The following MAPK10 variants were observed in gnomAD, a reference collection of about 807,000 sequenced individuals.
MAPK10 encodes mitogen-activated protein kinase 10, also known as JNK3 alpha protein kinase.
A neutral mutation model predicts 59.3 loss-of-function variants in MAPK10; 25 were observed. The ratio of observed to expected loss-of-function variants is 0.42; its 90% CI spans 0.31 to 0.59. The LOEUF is 0.59. MAPK10 is among the 20% of genes least tolerant of loss of function. The pLI is 0.15. For synonymous variants in MAPK10, 190 were observed against 200.5 expected, an observed-to-expected ratio of 0.95 and a Z score of 0.44; for missense variants, 351 against 568.9, an observed-to-expected ratio of 0.62 and a Z score of 3.90.
chr4:86,241,993 G>C lies in MAPK10; in HGVS notation c.-6-47586C>G, dbSNP rs922612837. Among the ~76,000 whole-genome samples the C allele has an allele frequency of 8.5e-5, 13 of 152,082 alleles. 1 individual carries two copies. Among genetic ancestry groups the C allele is most frequent in the Admixed American group, 8.5e-4 (13 of 15,274 alleles). Reference sequence around the variant, plus strand: ...TTGTCTAGTTTTGGTCCTTGAAGCTGCTACCCTTGGATGGGGTTTTTGTGG... The same window carrying C: ...TTGTCTAGTTTTGGTCCTTGAAGCTCCTACCCTTGGATGGGGTTTTTGTGG... On this transcript the variant is annotated intron_variant, in intron 2 of 13. Coordinates refer to ENST00000641462, the MANE Select transcript of MAPK10 (RefSeq NM_138982.4).
At chr4:86,098,322 C>G (rs1174175429) in intron 9 of MAPK10, 1 of 537,954 alleles carries the variant, frequency 1.9e-6, no homozygotes, top group African/African-American at 1.9e-5. Context: ...GAAAAAAGCC[C>G]ATTGAAATTT....
intron 1 of MAPK10, among the ~76,000 whole-genome samples, chr4:86,535,169 C>T (rs1013273986): frequency 2.0e-5 from 3 of 152,022 alleles, no homozygotes; most frequent in South Asian, 2.1e-4. Flanking sequence ...GGTAAGAGAA[C>T]GGAAATGGCC....
At chr4:86,121,655 T>C (rs1410047605) in intron 4 of MAPK10, among the ~76,000 whole-genome samples, 6 of 152,196 alleles carry the variant, frequency 3.9e-5, no homozygotes, top group African/African-American at 1.4e-4. Flanking sequence ...GATATATGTA[T>C]ACATTGCAGA....
intron 2 of MAPK10, among the ~76,000 whole-genome samples, chr4:86,237,841 T>C (rs2092390162): frequency 6.6e-6 from 1 of 152,218 alleles, no homozygotes; most frequent in African/African-American, 2.4e-5. Context: ...AGAGGCTCTT[T>C]AGTTCAACTA....
At chr4:86,481,116 T>A (rs534877339) in intron 1 of MAPK10, among the ~76,000 whole-genome samples, 7 of 152,322 alleles carry the variant, frequency 4.6e-5, no homozygotes, top group Non-Finnish European at 7.4e-5. Context: ...GCAAATTCCT[T>A]CCTAAACAGG....
intron 1 of MAPK10, among the ~76,000 whole-genome samples, chr4:86,435,891 G>A (rs959389823): frequency 4.6e-5 from 7 of 152,310 alleles, no homozygotes; most frequent in South Asian, 2.1e-4. Context: ...ACAATAGCCA[G>A]TGCAACTTTG....
intron 4 of MAPK10, among the ~76,000 whole-genome samples, chr4:86,109,833 T>C (rs1268925697): frequency 6.6e-6 from 1 of 152,216 alleles, no homozygotes; most frequent in Non-Finnish European, 1.5e-5. Flanking sequence ...ATGGTTGAAC[T>C]AATTTACATT....
In MAPK10 at chr4:86,186,935, C is replaced by A. The variant is rs533227705; in HGVS notation, c.66+7401G>T. On this transcript the variant is annotated intron_variant, in intron 3 of 13. Transcript: ENST00000641462. ...AACGTTGTTGCCACCTTCTTACTTTCCCTTCTAGGTTAAGTATACCATTGT... is the reference window on the plus strand; with the variant it reads ...AACGTTGTTGCCACCTTCTTACTTTACCTTCTAGGTTAAGTATACCATTGT... Among the ~76,000 whole-genome samples the A allele has an allele frequency of 5.3e-5, 8 of 152,212 alleles. No individual in the cohort carries two copies. The East Asian group carries it at 1.5e-3, about 29-fold the overall frequency.
chr4:86,202,996 G>A (rs970068668), intron 2 of MAPK10, among the ~76,000 whole-genome samples: 15 of 151,998 alleles, frequency 9.9e-5, no homozygotes, highest in African/African-American at 3.6e-4. Flanking sequence ...AGAGCATTTG[G>A]CCCATTGTAT....
intron 2 of MAPK10, among the ~76,000 whole-genome samples, chr4:86,241,168 A>G (rs535058290): frequency 2.6e-5 from 4 of 152,106 alleles, no homozygotes; most frequent in Non-Finnish European, 5.9e-5. Flanking sequence ...TTGGCCCCCA[A>G]TATCTTCTGG....
chr4:86,270,190 A>G (rs1000272349), intron 2 of MAPK10, among the ~76,000 whole-genome samples: 1 of 152,072 alleles, frequency 6.6e-6, no homozygotes, highest in African/African-American at 2.4e-5. Context: ...TTGTAATTCA[A>G]ACCGGAAATT....
intron 3 of MAPK10, among the ~76,000 whole-genome samples, chr4:86,164,958 A>AATTTGGCATG (rs2071111876): frequency 3.9e-5 from 6 of 152,198 alleles, no homozygotes; most frequent in Non-Finnish European, 5.9e-5. Context: ...GGATGCCAAG[A>AATTTGGCATG]AATTTAAAGG....
Position 86,148,718 on chromosome 4 carries a change from A to G in MAPK10, c.236+10580T>C, listed in dbSNP as rs568481195. Among the ~76,000 whole-genome samples the G allele has an allele frequency of 2.7e-4, 41 of 152,322 alleles. No homozygotes were observed. In the East Asian group the frequency reaches 7.3e-3, roughly 27 times the overall value. On this transcript the variant is annotated intron_variant, in intron 4 of 13. Coordinates refer to ENST00000641462, the MANE Select transcript of MAPK10 (RefSeq NM_138982.4). ...AAATAAGAAATACATCGTGAAGGGC[A>G]AGTTTGAGTAGATGATCATAAAATT...
intron 9 of MAPK10, chr4:86,079,760 C>T (rs551538981): frequency 2.6e-5 from 4 of 152,192 alleles, no homozygotes; most frequent in Middle Eastern, 3.4e-3. Flanking sequence ...AAGACCAAAT[C>T]GGGAAAGATA....
At chr4:86,185,795 T>G (rs2078077079) in intron 3 of MAPK10, among the ~76,000 whole-genome samples, 1 of 152,140 alleles carries the variant, frequency 6.6e-6, no homozygotes, top group African/African-American at 2.4e-5. Context: ...AAGGATTTTA[T>G]TATAAGTGGA....
intron 9 of MAPK10, among the ~76,000 whole-genome samples, chr4:86,083,956 A>G (rs1331634314): frequency 6.6e-6 from 1 of 152,150 alleles, no homozygotes. Flanking sequence ...CCTGGGACAG[A>G]AGGGAACCCA....
At chr4:86,045,780 C>T (rs193005638) in intron 11 of MAPK10, among the ~76,000 whole-genome samples, 3 of 151,668 alleles carry the variant, frequency 2.0e-5, no homozygotes, top group Non-Finnish European at 2.9e-5. Context: ...TTCTCTCCAC[C>T]CTCTCTTGAC....
intron 3 of MAPK10, among the ~76,000 whole-genome samples, chr4:86,181,323 C>T (rs1381642955): frequency 6.6e-6 from 1 of 151,878 alleles, no homozygotes; most frequent in Non-Finnish European, 1.5e-5. Context: ...TAGCTCAGTC[C>T]CTTTTACTTC....
rs143191471 is a variant in MAPK10, at chr4:86,520,696, T to C, written c.-263+73214A>G. 5.0e-4 allele frequency among the ~76,000 whole-genome samples: 76 copies of C among 152,302 alleles called. 1 individual carries two copies. In the East Asian group the frequency reaches 8.9e-3, roughly 18 times the overall value. On this transcript the variant is annotated intron_variant, in intron 1 of 4. Coordinates refer to the MAPK10 transcript ENST00000502302. Reference sequence around the variant, plus strand: ...GGGGGTGTGATAGAATCTCGTTTTGTCATATGAACAGTTACTTTTTGGCTC... The same window carrying C: ...GGGGGTGTGATAGAATCTCGTTTTGCCATATGAACAGTTACTTTTTGGCTC...
Sources: gnomAD v4.1 joint callset for allele counts (sites outside exome capture counted in the v4.1 genomes callset) on GRCh38, gnomAD v4.1.1 for gene constraint, MANE v1.5 for transcripts, NCBI Gene and HGNC (gene_info 2026-07-23, HGNC 2026-07-21) for gene names.